The following TINAG variants were observed in gnomAD, a reference collection of about 807,000 sequenced individuals.
TINAG encodes tubulointerstitial nephritis antigen.
In TINAG, 83 loss-of-function variants were observed where a neutral mutation model predicts 72.7. The ratio of observed to expected loss-of-function variants is 1.14; its 90% CI spans 0.96 to 1.37. TINAG has a LOEUF of 1.37. Among genes scored for constraint, TINAG ranks in the 40% most tolerant of loss-of-function variants. The probability of loss-of-function intolerance (pLI) is 0.00; values close to 1 mark genes in which losing one functional copy is unlikely to be tolerated. For synonymous variants in TINAG, 234 were observed against 189.9 expected (o/e 1.23, Z -1.91); for missense variants, 685 against 576.6 (o/e 1.19, Z -1.93).
chr6:54,384,559 A>G (rs772501685), intron 10 of TINAG, among the ~76,000 whole-genome samples: 1 of 152,202 alleles, frequency 6.6e-6, no homozygotes, highest in Admixed American at 6.5e-5. Flanking sequence ...CTGCAAAATG[A>G]CATTGCTAAA....
In TINAG at chr6:54,347,367, G is replaced by T. The variant is rs1785147400; in HGVS notation, c.749G>T (p.Ser250Ile). The T allele has an allele frequency of 2.5e-6, 4 of 1,612,060 alleles. No homozygotes were observed. Among genetic ancestry groups the T allele is most frequent in the South Asian group, 1.1e-5 (1 of 90,932 alleles). The change falls in exon 6 of 11, where the codon AGT becomes ATT. Residue 250 changes from serine (S) to isoleucine (I), a missense_variant and splice_region_variant. By Grantham distance (142) the Ser-to-Ile change is moderately radical (BLOSUM62 -2). Coordinates refer to ENST00000259782, the MANE Select transcript of TINAG (RefSeq NM_014464.4). ...TTAATTGATATTCTATTTGAAACAGGTGTGGCTGCTGACCGAATAGCAATT... is the reference window on the plus strand; with the variant it reads ...TTAATTGATATTCTATTTGAAACAGTTGTGGCTGCTGACCGAATAGCAATT... ...CAASWAFSTA[S>I]VAADRIAIQS...
At chr6:54,315,453 ACGGCCAAGAGTT>A (rs1006575486) in intron 1 of TINAG, among the ~76,000 whole-genome samples, 5 of 151,866 alleles carry the variant, frequency 3.3e-5, no homozygotes, top group African/African-American at 4.8e-5. Flanking sequence ...GTATCTCTTG[ACGGCCAAGAGTT>A]TAAGACCAGC....
chr6:54,375,643 A>G (rs1225375828), intron 9 of TINAG, among the ~76,000 whole-genome samples: 7 of 152,140 alleles, frequency 4.6e-5, no homozygotes, highest in Admixed American at 3.9e-4. Flanking sequence ...AGGTACTTCA[A>G]TTCACTGGCT....
At chr6:54,333,980 T>A (rs182216857) in intron 4 of TINAG, among the ~76,000 whole-genome samples, 16 of 152,334 alleles carry the variant, frequency 1.1e-4, no homozygotes, top group Admixed American at 2.0e-4. Context: ...TACCTCCAGT[T>A]TTCTAGCATT....
At chr6:54,334,509 A>G (rs1385468968) in intron 4 of TINAG, among the ~76,000 whole-genome samples, 1 of 152,208 alleles carries the variant, frequency 6.6e-6, no homozygotes, top group African/African-American at 2.4e-5. Context: ...GTATTAAAGC[A>G]CTTACAGTTT....
chr6:54,308,791 T>A lies in TINAG; in HGVS notation c.241T>A (p.Cys81Ser), dbSNP rs2150924703. 1 of 1,613,894 alleles carries A rather than the reference T, an allele frequency of 6.2e-7. No individual in the cohort carries two copies. ...TGAGTTCTATGCGGCGAATGCGTTGTGCTACTGTGATAAATTCTGTGACAG... is the reference window on the plus strand; with the variant it reads ...TGAGTTCTATGCGGCGAATGCGTTGAGCTACTGTGATAAATTCTGTGACAG... The part of the protein sequence containing the change: ...VTEFYAANAL[C>S]YCDKFCDREN... Residue 81 changes from cysteine (C) to serine (S), a missense_variant, in exon 1 of 11, where the codon TGC (cysteine) becomes AGC (serine). Transcript: ENST00000259782.
At chr6:54,331,366 A>G (rs146661483) in intron 4 of TINAG, among the ~76,000 whole-genome samples, 18,124 of 152,292 alleles carry the variant, frequency 0.12, 1,251 homozygotes, top group African/African-American at 0.18. Context: ...CCACATGATT[A>G]TCTCAATAGA....
chr6:54,335,190 T>C (rs1784831793), intron 4 of TINAG, among the ~76,000 whole-genome samples: 2 of 152,170 alleles, frequency 1.3e-5, no homozygotes. Context: ...CTAGAGAAAA[T>C]GATTTACATT....
At chr6:54,356,137 A>G (rs1763029543) in intron 9 of TINAG, among the ~76,000 whole-genome samples, 1 of 151,902 alleles carries the variant, frequency 6.6e-6, no homozygotes, top group Non-Finnish European at 1.5e-5. Flanking sequence ...TTAAGGTTAT[A>G]TGGAACAAGG....
chr6:54,366,712 A>G (rs1028527109), intron 9 of TINAG, among the ~76,000 whole-genome samples: 1 of 151,596 alleles, frequency 6.6e-6, no homozygotes, highest in African/African-American at 2.4e-5. Context: ...ATTATCTAGG[A>G]AGGCACATAA....
chr6:54,363,074 A>G (rs535094898), intron 9 of TINAG, among the ~76,000 whole-genome samples: 1 of 151,550 alleles, frequency 6.6e-6, no homozygotes, highest in Non-Finnish European at 1.5e-5. Flanking sequence ...TATGGGTTGT[A>G]TAGAAACATG....
chr6:54,358,525 G>C (rs1172160793), intron 9 of TINAG, among the ~76,000 whole-genome samples: 2 of 139,706 alleles, frequency 1.4e-5, no homozygotes, highest in Non-Finnish European at 3.1e-5. Flanking sequence ...ACATGGAGAA[G>C]TTATTCGTCA....
At chr6:54,386,169 G>A (rs1764095855) in intron 10 of TINAG, among the ~76,000 whole-genome samples, 1 of 152,138 alleles carries the variant, frequency 6.6e-6, no homozygotes, top group African/African-American at 2.4e-5. Flanking sequence ...GGAATTACAG[G>A]CGTGAGCCAG....
chr6:54,369,864 C>T (rs1763552580), intron 9 of TINAG: 1 of 151,938 alleles, frequency 6.6e-6, no homozygotes, highest in Admixed American at 6.6e-5. Context: ...CCCCAAATAG[C>T]TTTAGGTCCA....
Position 54,359,358 on chromosome 6 carries a change from C to A in TINAG, c.1250+4722C>A, listed in dbSNP as rs183939716. Among the ~76,000 whole-genome samples the A allele has an allele frequency of 4.1e-4, 63 of 151,876 alleles. 1 individual carries two copies. The highest frequency in any genetic ancestry group is 3.3e-3 in the South Asian group (16 of 4,822). On this transcript the variant is annotated intron_variant, in intron 9 of 10. Coordinates refer to ENST00000259782, the MANE Select transcript of TINAG (RefSeq NM_014464.4). Reference sequence around the variant, plus strand: ...GCTTCCTTGATCTAGAAAAAATTTTCTACCACACACTAGGTAATTGACTTA... The same window carrying A: ...GCTTCCTTGATCTAGAAAAAATTTTATACCACACACTAGGTAATTGACTTA...
chr6:54,359,986 A>G (rs955488066), intron 9 of TINAG, among the ~76,000 whole-genome samples: 70 of 151,846 alleles, frequency 4.6e-4, no homozygotes, highest in African/African-American at 1.6e-3. Context: ...GTAGAAGGTG[A>G]AACTATTAGA....
At chr6:54,353,758 C>T (rs1785323507) in intron 8 of TINAG, among the ~76,000 whole-genome samples, 1 of 151,744 alleles carries the variant, frequency 6.6e-6, no homozygotes, top group Non-Finnish European at 1.5e-5. Context: ...AAATGCTTGT[C>T]AAATTAAGAC....
chr6:54,389,744 T>A (rs944538511), intron 10 of TINAG, 47 bp from the exon 11 acceptor site: 11 of 1,549,980 alleles, frequency 7.1e-6, no homozygotes, highest in Non-Finnish European at 9.5e-6. Context: ...TTTTAAAAAA[T>A]ACCAAAGTAT....
chr6:54,351,418 G>T lies in TINAG; in HGVS notation c.1126+21G>T, dbSNP rs139476404. 1.7e-4 allele frequency: 266 copies of T among 1,606,108 alleles called. 2 individuals are homozygous for T. The East Asian group carries it at 5.4e-3, about 33-fold the overall frequency. ...TCAAGGTAAGCTTGAATGAAATACG[G>T]TTTTTTCTTACTCATTCCTTTAATA... On this transcript the variant is annotated intron_variant, in intron 8 of 10. Transcript: ENST00000259782.
Sources: gnomAD v4.1 joint callset for allele counts (sites outside exome capture counted in the v4.1 genomes callset) on GRCh38, gnomAD v4.1.1 for gene constraint, MANE v1.5 for transcripts, NCBI Gene and HGNC (gene_info 2026-07-23, HGNC 2026-07-21) for gene names.